Variants in LRCH2 observed in about 807,000 individuals in gnomAD.
LRCH2 encodes leucine rich repeats and calponin homology domain containing 2, also known as leucine-rich repeat and calponin homology domain-containing protein 2.
A neutral mutation model predicts 68.9 loss-of-function variants in LRCH2; 38 were observed. The observed-to-expected ratio is 0.55, with a 90% confidence interval of 0.43 to 0.72. LRCH2 has a LOEUF of 0.72. Among genes scored for constraint, LRCH2 ranks in the 30% least tolerant of loss-of-function variants. The probability of loss-of-function intolerance (pLI) is 0.00; values close to 1 mark genes in which losing one functional copy is unlikely to be tolerated. For synonymous variants in LRCH2, 191 were observed against 208.1 expected (o/e 0.92, Z 0.71); for missense variants, 528 against 572.9 (o/e 0.92, Z 0.80).
At chrX:115,190,393 G>A (rs1556557151) in intron 1 of LRCH2, 8 of 1,161,902 alleles carry the variant, frequency 6.9e-6, no homozygotes, top group South Asian at 1.9e-5. Context: ...CCCTGTGTGG[G>A]GGACACCGCC....
intron 20 of LRCH2, among the ~76,000 whole-genome samples, chrX:115,118,484 T>C (rs1294358527): frequency 1.8e-5 from 2 of 108,672 alleles, no homozygotes; most frequent in African/African-American, 6.7e-5. Context: ...GTTGAATCTC[T>C]GAATAGACCA....
At chrX:115,152,044 A>G (rs1216501292) in intron 12 of LRCH2, among the ~76,000 whole-genome samples, 3 of 111,621 alleles carry the variant, frequency 2.7e-5, no homozygotes, top group Non-Finnish European at 5.6e-5. Flanking sequence ...TGAGGAAAAT[A>G]CCCTAGGCAA....
chrX:115,206,193 C>T (rs1556567992), intron 1 of LRCH2, among the ~76,000 whole-genome samples: 1 of 112,173 alleles, frequency 8.9e-6, no homozygotes, highest in Non-Finnish European at 1.9e-5. Context: ...CATTCATAAA[C>T]TATTTTCTGG....
chrX:115,162,983 T>C (rs1421833149), intron 11 of LRCH2, among the ~76,000 whole-genome samples: 2 of 111,816 alleles, frequency 1.8e-5, no homozygotes, highest in Non-Finnish European at 3.8e-5. Flanking sequence ...TATGGAACTT[T>C]TCCTGCATTA....
At chrX:115,192,615 C>T (rs782372947) in intron 1 of LRCH2, 3 of 1,170,790 alleles carry the variant, frequency 2.6e-6, no homozygotes, top group Admixed American at 2.5e-5. Context: ...GAGGCCGCTT[C>T]GAGAGGGGGG....
chrX:115,171,935 C>T (rs1245963047), intron 5 of LRCH2, among the ~76,000 whole-genome samples: 1 of 110,696 alleles, frequency 9.0e-6, no homozygotes, highest in Admixed American at 9.7e-5. Context: ...CCCACCTCGG[C>T]CTCACAAAGT....
chrX:115,213,490 T>G (rs1308599306), intron 1 of LRCH2, among the ~76,000 whole-genome samples: 1 of 111,314 alleles, frequency 9.0e-6, no homozygotes, highest in East Asian at 2.8e-4. Context: ...CCATTAAACA[T>G]TAACTATAAA....
In LRCH2 at chrX:115,184,463, T is replaced by C; in HGVS notation, c.569A>G (p.Lys190Arg). The change falls in exon 3 of 21, where the codon AAA becomes AGA. Residue 190 changes from lysine (K) to arginine (R), a missense_variant. Physicochemically the swap from Lys to Arg is conservative, Grantham distance 26. Transcript: ENST00000317135. Reference protein sequence around the residue: ...PLKVLVVSNNKLVSIPEEIGK... With the variant: ...PLKVLVVSNNRLVSIPEEIGK... ...AATTTCTTCTGGAATGGATACCAGT[T>C]TATTATTACTGACGACCAAAACTTT... 8.4e-7 allele frequency: 1 copy of C among 1,187,803 alleles called. No homozygotes were observed. The highest frequency in any genetic ancestry group is 1.1e-6 in the Non-Finnish European group (1 of 881,798).
chrX:115,183,675 C>T (rs2072711033), intron 3 of LRCH2, among the ~76,000 whole-genome samples: 1 of 110,543 alleles, frequency 9.0e-6, no homozygotes, highest in African/African-American at 3.3e-5. Flanking sequence ...GTCTGGGCAA[C>T]AGAGCGAGAC....
chrX:115,148,741 T>C (rs2072408148), intron 14 of LRCH2, among the ~76,000 whole-genome samples: 1 of 111,730 alleles, frequency 9.0e-6, no homozygotes, highest in Non-Finnish European at 1.9e-5. Flanking sequence ...TGTCCTTCCC[T>C]TTTTCCTCAT....
At chrX:115,178,075 CT>C (rs1223726906) in intron 5 of LRCH2, among the ~76,000 whole-genome samples, 2 of 111,933 alleles carry the variant, frequency 1.8e-5, no homozygotes, top group Non-Finnish European at 3.8e-5. Flanking sequence ...TGGGATGGTG[CT>C]TCTCTAAGGA....
At chrX:115,142,199 C>T (rs2806266) in intron 14 of LRCH2, among the ~76,000 whole-genome samples, 6,349 of 111,641 alleles carry the variant, frequency 0.057, 436 homozygotes, top group African/African-American at 0.19. Flanking sequence ...AGAGATAGAT[C>T]TCAATACAGT....
Position 115,112,933 on chromosome X carries a change from A to C in LRCH2, c.*283T>G, listed in dbSNP as rs1443058187. The C allele has an allele frequency of 5.6e-6, 1 of 177,111 alleles. No individual in the cohort carries two copies. The highest frequency in any genetic ancestry group is 7.8e-5 in the Admixed American group (1 of 12,885). The allele number at this position is 177,111 out of a possible 1,213,427, so 14.6% of individuals were successfully genotyped here. On this transcript the variant is annotated 3_prime_UTR_variant, in exon 21 of 21. Transcript: ENST00000317135. ...TAAATTGAAACTACATTTTAAATTT[A>C]GTATCAGTCTGCTTTCTGAAAAATA... is the stretch of plus-strand genomic sequence containing the variant.
At chrX:115,175,081 C>T (rs1556549672) in intron 5 of LRCH2, among the ~76,000 whole-genome samples, 2 of 112,118 alleles carry the variant, frequency 1.8e-5, no homozygotes, top group Admixed American at 9.4e-5. Flanking sequence ...GGACAGGGTT[C>T]GGAAAGCTTA....
At position 115,113,341 on chromosome X, in the gene LRCH2, G is replaced by GA. The variant is rs781862518; in HGVS notation, c.2179-7dup. On this transcript the variant is annotated splice_region_variant and splice_polypyrimidine_tract_variant and intron_variant, in intron 20 of 20. Coordinates refer to ENST00000317135, the MANE Select transcript of LRCH2 (RefSeq NM_020871.4). Reference sequence around the variant, plus strand: ...TGAGGCAAACAAAGTCTTTCCTGGAGAAAAAAAAGAGATATTTGAACATTC... The same window carrying GA: ...TGAGGCAAACAAAGTCTTTCCTGGAGAAAAAAAAAGAGATATTTGAACATTC... 3.4e-5 allele frequency: 39 copies of GA among 1,150,039 alleles called. No homozygotes were observed. Among genetic ancestry groups the GA allele is most frequent in the African/African-American group, 1.6e-4 (9 of 54,938 alleles). The allele number at this position is 1,150,039 out of a possible 1,213,427, so 94.8% of individuals were successfully genotyped here.
At chrX:115,142,871 G>A (rs922224769) in intron 14 of LRCH2, among the ~76,000 whole-genome samples, 2 of 111,499 alleles carry the variant, frequency 1.8e-5, no homozygotes, top group African/African-American at 6.5e-5. Flanking sequence ...AGCGTGAGGT[G>A]GGCAGATCGC....
At chrX:115,161,307 C>T (rs1965097291) in intron 11 of LRCH2, among the ~76,000 whole-genome samples, 1 of 110,942 alleles carries the variant, frequency 9.0e-6, no homozygotes, top group African/African-American at 3.3e-5. Flanking sequence ...TGAGCCAAGA[C>T]TGTACCACTG....
intron 14 of LRCH2, among the ~76,000 whole-genome samples, chrX:115,137,721 T>G (rs137866834): frequency 0.018 from 2,023 of 111,393 alleles, 20 homozygotes; most frequent in Middle Eastern, 0.033. Flanking sequence ...AATAGAAAGT[T>G]TGGCCCTGGC....
intron 17 of LRCH2, among the ~76,000 whole-genome samples, 189 bp from the exon 18 acceptor site, chrX:115,123,381 T>G (rs2072160566): frequency 8.9e-6 from 1 of 112,116 alleles, no homozygotes; most frequent in Admixed American, 9.5e-5. Context: ...ACAGGGAAGA[T>G]AAGTGTAATG....
Sources: gnomAD v4.1 joint callset for allele counts (sites outside exome capture counted in the v4.1 genomes callset) on GRCh38, gnomAD v4.1.1 for gene constraint, MANE v1.5 for transcripts, NCBI Gene and HGNC (gene_info 2026-07-23, HGNC 2026-07-21) for gene names.